Variants in SLC25A48 observed in about 807,000 individuals in gnomAD.
The protein encoded by SLC25A48 is solute carrier family 25 member 48.
A neutral mutation model predicts 32.2 loss-of-function variants in SLC25A48; 29 were observed. The observed-to-expected ratio is 0.90, with a 90% CI of 0.67 to 1.23. The LOEUF is 1.23. SLC25A48 is among the 50% of genes most tolerant of loss of function. The pLI is 0.00. For synonymous variants in SLC25A48, 164 were observed against 172.3 expected (o/e 0.95, Z 0.38); for missense variants, 399 against 422.7 (o/e 0.94, Z 0.49).
At chr5:135,809,948 C>A (rs1360222971) in intron 3 of SLC25A48, among the ~76,000 whole-genome samples, 2 of 152,216 alleles carry the variant, frequency 1.3e-5, no homozygotes, top group Admixed American at 6.5e-5. Context: ...AGCGATCCTC[C>A]TGCCTCAGCC....
chr5:135,649,942 CA>C (rs1053060864), intron 3 of SLC25A48: 2 of 167,124 alleles, frequency 1.2e-5, no homozygotes, highest in Non-Finnish European at 1.3e-5. Context: ...AGCTGAAAAC[CA>C]TGGCTCCCTA....
At chr5:135,756,649 CA>C (rs2127013507) in intron 3 of SLC25A48, among the ~76,000 whole-genome samples, 1 of 151,998 alleles carries the variant, frequency 6.6e-6, no homozygotes, top group Non-Finnish European at 1.5e-5. Flanking sequence ...CCAGCCTGGG[CA>C]AAAAGAGTGG....
At chr5:135,580,285 G>A (rs922672412) in intron 1 of SLC25A48, among the ~76,000 whole-genome samples, 4 of 152,196 alleles carry the variant, frequency 2.6e-5, no homozygotes, top group African/African-American at 4.8e-5. Flanking sequence ...TTTGAGGCCT[G>A]TCTGCCCTTC....
At chr5:135,824,196 G>A (rs1428030434) in intron 4 of SLC25A48, among the ~76,000 whole-genome samples, 1 of 152,188 alleles carries the variant, frequency 6.6e-6, no homozygotes, top group Non-Finnish European at 1.5e-5. Flanking sequence ...AGTTTGGTGT[G>A]ACTTAGGAAT....
rs869088370 is a variant in SLC25A48 at position 135,630,588 on chromosome 5, C to CTTTTTTTTTTTTTTTTT, written c.-709+1229_-709+1245dup. Among the ~76,000 whole-genome samples the CTTTTTTTTTTTTTTTTT allele has an allele frequency of 6.8e-5, 4 of 58,928 alleles. 1 individual carries two copies. Among genetic ancestry groups the CTTTTTTTTTTTTTTTTT allele is most frequent in the Non-Finnish European group, 9.3e-5 (3 of 32,216 alleles). The allele number at this position is 58,928 out of a possible 152,430, so 38.7% of individuals were successfully genotyped here. On this transcript the variant is annotated intron_variant, in intron 2 of 10. Coordinates refer to the SLC25A48 transcript ENST00000646290. ...AGGGGAAGATGGTTAGGCTGGGCAC[C>CTTTTTTTTTTTTTTTTT]TTTTTTTTTTTTTTTTTTTTTTTTT...
rs566196872 is a variant in SLC25A48, at chr5:135,680,603, C to A, written c.-521+45647C>A. Among the ~76,000 whole-genome samples, 21 of 152,260 alleles carry A rather than the reference C, an allele frequency of 1.4e-4. No homozygotes were observed. The East Asian group carries it at 4.1e-3, about 29-fold the overall frequency. The stretch of plus-strand genomic sequence containing the variant: ...GTGGAAGGCAAAGGAAGAGCAAAGG[C>A]ACATCTTACATAGTGTCAGGCAAGA... On this transcript the variant is annotated intron_variant, in intron 3 of 10. Coordinates refer to the SLC25A48 transcript ENST00000646290.
intron 3 of SLC25A48, among the ~76,000 whole-genome samples, chr5:135,676,866 GT>G (rs1217245583): frequency 6.6e-6 from 1 of 151,990 alleles, no homozygotes; most frequent in African/African-American, 2.4e-5. Context: ...TTTGTTTTGT[GT>G]CTTAACACAT....
intron 3 of SLC25A48, among the ~76,000 whole-genome samples, chr5:135,778,411 A>T (rs1756624495): frequency 6.6e-6 from 1 of 151,708 alleles, no homozygotes; most frequent in Non-Finnish European, 1.5e-5. Flanking sequence ...TGAGAAGATG[A>T]TATTACTCCC....
In SLC25A48 at chr5:135,888,135, A is replaced by G; in HGVS notation, c.*111A>G. The G allele has an allele frequency of 4.6e-6, 7 of 1,534,484 alleles. No individual in the cohort carries two copies. The South Asian group carries it at 6.0e-5, about 13-fold the overall frequency. ...CCTTTGGACCTCCAAGTGGACATCA[A>G]TTAGCAAGCGTGGGCTAGGATGGTG... is the stretch of plus-strand genomic sequence containing the variant. On this transcript the variant is annotated 3_prime_UTR_variant, in exon 8 of 8. Transcript: ENST00000681962.
At chr5:135,850,385 T>A in intron 2 of SLC25A48, 40 bp from the exon 3 acceptor site, 1 of 1,602,344 alleles carries the variant, frequency 6.2e-7, no homozygotes, top group Non-Finnish European at 8.5e-7. Flanking sequence ...GGGCTATGAA[T>A]AACCTCTGCG....
At chr5:135,783,996 G>A (rs1268781566) in intron 3 of SLC25A48, among the ~76,000 whole-genome samples, 1 of 112,792 alleles carries the variant, frequency 8.9e-6, no homozygotes, top group Non-Finnish European at 2.2e-5. Flanking sequence ...CAATATCGCA[G>A]GACGTGTACA....
chr5:135,652,286 T>G, intron 3 of SLC25A48: 1 of 435,082 alleles, frequency 2.3e-6, no homozygotes, highest in South Asian at 1.7e-5. Context: ...ACAATGGACC[T>G]TTTCTATTAT....
At chr5:135,715,510 G>T (rs1486176792) in intron 3 of SLC25A48, among the ~76,000 whole-genome samples, 1 of 152,178 alleles carries the variant, frequency 6.6e-6, no homozygotes, top group Non-Finnish European at 1.5e-5. Flanking sequence ...CCCTTTGTGG[G>T]CTATTACAGA....
At position 135,746,530 on chromosome 5, in the gene SLC25A48, C is replaced by T. The variant is rs565829964; in HGVS notation, c.-520-65993C>T. On this transcript the variant is annotated intron_variant, in intron 3 of 10. Transcript: ENST00000646290. ...TCCGCCTTGCAGGTACAATCCGATT[C>T]TCCGGTGCAAAATAAGTCTCCAAAA... Among the ~76,000 whole-genome samples the T allele has an allele frequency of 2.6e-3, 393 of 152,322 alleles. 7 individuals carry two copies. Among genetic ancestry groups the T allele is most frequent in the East Asian group, 9.6e-4 (5 of 5,186 alleles).
chr5:135,818,056 T>C (rs1373113344), intron 4 of SLC25A48, among the ~76,000 whole-genome samples: 8 of 4,466 alleles, frequency 1.8e-3, no homozygotes, highest in East Asian at 0.018. Flanking sequence ...TCTCTGTTCC[T>C]CTCTCTCTCT....
chr5:135,765,050 A>G (rs1406394384), intron 3 of SLC25A48, among the ~76,000 whole-genome samples: 1 of 151,732 alleles, frequency 6.6e-6, no homozygotes, highest in African/African-American at 2.4e-5. Flanking sequence ...CACCCATGAT[A>G]TGGTTCGTAA....
chr5:135,772,586 G>A (rs1756442296), intron 3 of SLC25A48, among the ~76,000 whole-genome samples: 2 of 151,486 alleles, frequency 1.3e-5, no homozygotes, highest in South Asian at 4.2e-4. Flanking sequence ...TCCCAATATC[G>A]CAGGGGGTGT....
chr5:135,644,675 C>G (rs1284706009), intron 3 of SLC25A48, among the ~76,000 whole-genome samples: 1 of 152,160 alleles, frequency 6.6e-6, no homozygotes, highest in Admixed American at 6.5e-5. Context: ...AGCTAGGAGT[C>G]AGACCCAGAT....
At chr5:135,633,880 A>T (rs1459482763) in intron 2 of SLC25A48, among the ~76,000 whole-genome samples, 1 of 152,104 alleles carries the variant, frequency 6.6e-6, no homozygotes, top group Admixed American at 6.5e-5. Flanking sequence ...TGATCTTTAA[A>T]TTTTTTTTAA....
Sources: gnomAD v4.1 joint callset for allele counts (sites outside exome capture counted in the v4.1 genomes callset) on GRCh38, gnomAD v4.1.1 for gene constraint, MANE v1.5 for transcripts, NCBI Gene and HGNC (gene_info 2026-07-23, HGNC 2026-07-21) for gene names.